Variants in YPEL1 observed in about 807,000 individuals in gnomAD.
The protein encoded by YPEL1 is protein yippee-like 1.
In YPEL1, 7 loss-of-function variants were observed where a neutral mutation model predicts 17.3. The ratio of observed to expected loss-of-function variants is 0.40; its 90% CI spans 0.23 to 0.76. The LOEUF is 0.76. YPEL1 is among the 30% of genes least tolerant of loss of function. The pLI, the probability that YPEL1 is intolerant of heterozygous loss-of-function variation, is 0.35. For synonymous variants in YPEL1, 59 were observed against 59.6 expected (o/e 0.99, Z 0.05); for missense variants, 91 against 155.5 (o/e 0.59, Z 2.21).
chr22:21,705,258 C>G (rs1011223339), intron 2 of YPEL1, among the ~76,000 whole-genome samples: 1 of 152,178 alleles, frequency 6.6e-6, no homozygotes, highest in African/African-American at 2.4e-5. Flanking sequence ...GGATTGCAGG[C>G]GTGAGCCACT....
At chr22:21,701,915 G>A (rs1238179682) in intron 4 of YPEL1, among the ~76,000 whole-genome samples, 1 of 152,188 alleles carries the variant, frequency 6.6e-6, no homozygotes, top group Non-Finnish European at 1.5e-5. Context: ...ACTTAGCTGG[G>A]TGTGGTGTGC....
chr22:21,698,078 ATAACT>A lies in YPEL1; in HGVS notation c.*3046_*3050del, dbSNP rs1015215357. On this transcript the variant is annotated 3_prime_UTR_variant, in exon 5 of 5. Coordinates refer to ENST00000339468, the MANE Select transcript of YPEL1 (RefSeq NM_013313.5). ...GGCTCTCAAGGAAGATTTATTTTAA[ATAACT>A]TAAATAGAAGTCCTAGATGATATTG... The A allele has an allele frequency of 6.6e-6, 1 of 152,302 alleles. No homozygotes were observed. The highest frequency in any genetic ancestry group is 2.4e-5 in the African/African-American group (1 of 41,426). 9.4% of individuals were successfully genotyped at this position (152,302 alleles called of 1,614,324 possible). A position where few individuals can be genotyped will look rare whatever the true frequency, so the allele number is the denominator to read the frequency against.
At chr22:21,733,879 T>G (rs2068412495) in intron 1 of YPEL1, among the ~76,000 whole-genome samples, 1 of 152,186 alleles carries the variant, frequency 6.6e-6, no homozygotes, top group African/African-American at 2.4e-5. Context: ...CAGGCAAGAA[T>G]CAAGAACAGA....
intron 1 of YPEL1, chr22:21,722,944 T>A (rs2068298342): frequency 6.6e-6 from 1 of 151,978 alleles, no homozygotes; most frequent in Non-Finnish European, 1.5e-5. Flanking sequence ...ACAGGCACGA[T>A]GCCACTACTG....
At position 21,710,871 on chromosome 22, in the gene YPEL1, G is replaced by A. The variant is rs1403669563; in HGVS notation, c.-127C>T. The A allele has an allele frequency of 1.6e-5, 13 of 821,190 alleles. No individual in the cohort carries two copies. Among genetic ancestry groups the A allele is most frequent in the Non-Finnish European group, 2.7e-5 (13 of 473,986 alleles). 50.9% of individuals were successfully genotyped at this position (821,190 alleles called of 1,614,324 possible). On this transcript the variant is annotated 5_prime_UTR_variant, in exon 2 of 5. Transcript: ENST00000339468. Reference sequence around the variant, plus strand: ...CCGTCGTTGTCCAGGAGGGCGTGTGGCACTGTCCACACAGCTGGGACGAGA... The same window carrying A: ...CCGTCGTTGTCCAGGAGGGCGTGTGACACTGTCCACACAGCTGGGACGAGA...
chr22:21,734,054 C>T (rs899400757), intron 1 of YPEL1, among the ~76,000 whole-genome samples: 9 of 150,950 alleles, frequency 6.0e-5, no homozygotes, highest in African/African-American at 2.2e-4. Context: ...CCAGTCTCTA[C>T]AAAAAAAAAT....
chr22:21,708,660 AT>A (rs150796353), intron 2 of YPEL1, among the ~76,000 whole-genome samples: 74,556 of 106,790 alleles, frequency 0.7, 26,088 homozygotes, highest in East Asian at 0.81. Context: ...TCTTGATACA[AT>A]TTTTTTTTTT....
At chr22:21,708,965 C>A (rs1017679384) in intron 2 of YPEL1, among the ~76,000 whole-genome samples, 1 of 152,050 alleles carries the variant, frequency 6.6e-6, no homozygotes, top group Non-Finnish European at 1.5e-5. Context: ...TGAGCCACCA[C>A]GCCCAGCTGA....
At chr22:21,715,841 A>G (rs5754787) in intron 1 of YPEL1, among the ~76,000 whole-genome samples, 121,886 of 142,062 alleles carry the variant, frequency 0.86, 51,088 homozygotes, top group African/African-American at 0.89. Flanking sequence ...TTGGCTCACC[A>G]CAACCTCCAC....
At chr22:21,711,851 G>T (rs558207043) in intron 1 of YPEL1, among the ~76,000 whole-genome samples, 19 of 152,268 alleles carry the variant, frequency 1.2e-4, no homozygotes, top group Admixed American at 3.3e-4. Context: ...GGCAGCAAAA[G>T]AAAAACAGAC....
chr22:21,719,851 C>A (rs1043317100), intron 1 of YPEL1, among the ~76,000 whole-genome samples: 2 of 151,930 alleles, frequency 1.3e-5, no homozygotes, highest in African/African-American at 4.8e-5. Flanking sequence ...GATGGTGAAA[C>A]CCGTCTCTAC....
At chr22:21,731,268 AC>A (rs2068382902) in intron 1 of YPEL1, among the ~76,000 whole-genome samples, 1 of 151,566 alleles carries the variant, frequency 6.6e-6, no homozygotes, top group Non-Finnish European at 1.5e-5. Context: ...CGTCCCAGCT[AC>A]TCGGGAGGCT....
Position 21,703,734 on chromosome 22 carries a change from G to A in YPEL1, c.161+105C>T, listed in dbSNP as rs542531544. 28 of 1,297,304 alleles carry A rather than the reference G, an allele frequency of 2.2e-5. 1 individual carries two copies. The South Asian group carries it at 3.7e-4, about 17-fold the overall frequency. The allele number at this position is 1,297,304 out of a possible 1,614,324, so 80.4% of individuals were successfully genotyped here. On this transcript the variant is annotated intron_variant, in intron 3 of 4. Transcript: ENST00000339468. This position sits in a 1 kb window ranked among gnomAD's most constrained non-coding sequence, Gnocchi z 6.1. ...GGCGGGGGGATGGTGGGTTCTTTCA[G>A]GACCCCTAAAGACCCAGGTGATTCT... is the stretch of plus-strand genomic sequence containing the variant.
At chr22:21,715,913 C>T (rs2068219435) in intron 1 of YPEL1, among the ~76,000 whole-genome samples, 1 of 152,140 alleles carries the variant, frequency 6.6e-6, no homozygotes, top group African/African-American at 2.4e-5. Flanking sequence ...CAGGCATGCG[C>T]CACCACACCC....
chr22:21,716,068 C>T (rs1217175577), intron 1 of YPEL1, among the ~76,000 whole-genome samples: 2 of 151,908 alleles, frequency 1.3e-5, no homozygotes, highest in Non-Finnish European at 2.9e-5. Flanking sequence ...GGCCCTACAC[C>T]TGACTAATTT....
chr22:21,710,865 C>A lies in YPEL1; in HGVS notation c.-121G>T, dbSNP rs1449502234. The A allele has an allele frequency of 2.3e-6, 2 of 854,802 alleles. No homozygotes were observed. The highest frequency in any genetic ancestry group is 1.6e-5 in the African/African-American group (1 of 60,642). 53.0% of individuals were successfully genotyped at this position (854,802 alleles called of 1,614,324 possible). On this transcript the variant is annotated 5_prime_UTR_variant, in exon 2 of 5. Transcript: ENST00000339468. ...CAAGAGCCGTCGTTGTCCAGGAGGG[C>A]GTGTGGCACTGTCCACACAGCTGGG...
intron 2 of YPEL1, among the ~76,000 whole-genome samples, chr22:21,707,216 G>A (rs5999141): frequency 5.9e-5 from 9 of 152,178 alleles, no homozygotes; most frequent in South Asian, 2.1e-4. Context: ...CCAGGAGTTC[G>A]AGACCAGCCT....
At chr22:21,720,030 TAGCC>T (rs1300632399) in intron 1 of YPEL1, among the ~76,000 whole-genome samples, 1 of 130,888 alleles carries the variant, frequency 7.6e-6, no homozygotes, top group Non-Finnish European at 1.6e-5. Context: ...AAAAAAAAAT[TAGCC>T]AGGCGTGGTG....
intron 1 of YPEL1, among the ~76,000 whole-genome samples, chr22:21,720,744 C>G (rs1250890777): frequency 2.0e-5 from 3 of 150,908 alleles, no homozygotes; most frequent in Non-Finnish European, 4.4e-5. Flanking sequence ...CCCGCCTTGG[C>G]CTCCCACCCA....
Sources: gnomAD v4.1 joint callset for allele counts (sites outside exome capture counted in the v4.1 genomes callset) on GRCh38, gnomAD v4.1.1 for gene constraint, Gnocchi (gnomAD v3.1) non-coding constraint, MANE v1.5 for transcripts, NCBI Gene and HGNC (gene_info 2026-07-23, HGNC 2026-07-21) for gene names.